Variants in SMC2 observed in about 807,000 individuals in gnomAD.
SMC2 encodes the protein structural maintenance of chromosomes protein 2.
Under a neutral mutation model 142.6 loss-of-function variants are expected in SMC2, and 41 were observed. That is an observed-to-expected ratio of 0.29 (90% confidence interval 0.22 to 0.37). The LOEUF is 0.37. Ranked by LOEUF, SMC2 falls within the 10% of genes least tolerant of loss-of-function variation. The pLI is 1.00. For synonymous variants in SMC2, 463 were observed against 457.5 expected (o/e 1.01, Z -0.15); for missense variants, 1,265 against 1,373.7 (o/e 0.92, Z 1.25).
chr9:104,095,006 C>T (rs1211987413), intron 1 of SMC2, among the ~76,000 whole-genome samples: 1 of 152,126 alleles, frequency 6.6e-6, no homozygotes, highest in African/African-American at 2.4e-5. Flanking sequence ...CAGAGAAAAG[C>T]ACATTATAGG....
chr9:104,135,210 C>CAGATGATACAAGTAGGAG (rs1554708820), intron 23 of SMC2, among the ~76,000 whole-genome samples: 4 of 151,058 alleles, frequency 2.6e-5, no homozygotes, highest in Non-Finnish European at 5.9e-5. Context: ...TCTGAAATGA[C>CAGATGATACAAGTAGGAG]AGATGATGCA....
rs540540512 is a variant in SMC2, at chr9:104,095,590, T to G, written c.168+38T>G. 3.2e-6 allele frequency: 5 copies of G among 1,540,790 alleles called. No homozygotes were observed. In the East Asian group the frequency reaches 1.1e-4, roughly 35 times the overall value. Reference sequence around the variant, plus strand: ...CTTTCTGATTTATTTGAATTTAAGTTGGCAGGAGAATCCTCACTGAACTTT... The same window carrying G: ...CTTTCTGATTTATTTGAATTTAAGTGGGCAGGAGAATCCTCACTGAACTTT... On this transcript the variant is annotated intron_variant, in intron 2 of 24. Coordinates refer to ENST00000374793, the MANE Select transcript of SMC2 (RefSeq NM_006444.3).
At chr9:104,101,883 T>C in intron 7 of SMC2, 77 bp from the exon 8 acceptor site, 1 of 839,244 alleles carries the variant, frequency 1.2e-6, no homozygotes. Flanking sequence ...TAATGAGAAA[T>C]TTGTTTCATC....
At chr9:104,125,756 A>ATACTT (rs1383103825) in intron 18 of SMC2, among the ~76,000 whole-genome samples, 1 of 152,182 alleles carries the variant, frequency 6.6e-6, no homozygotes, top group Admixed American at 6.5e-5. Context: ...TAAACTGATG[A>ATACTT]TACTTTGTTA....
chr9:104,098,614 A>G (rs747879470), intron 4 of SMC2, 46 bp downstream of exon 4: 11 of 1,550,846 alleles, frequency 7.1e-6, no homozygotes, highest in Non-Finnish European at 7.8e-6. Context: ...TAGTTTCGAC[A>G]TTTTTTACTT....
At chr9:104,104,585 T>G (rs1201756286) in intron 9 of SMC2, among the ~76,000 whole-genome samples, 1 of 152,196 alleles carries the variant, frequency 6.6e-6, no homozygotes, top group Non-Finnish European at 1.5e-5. Context: ...TTGCCTCCCT[T>G]TCTTGGGATA....
In SMC2 at chr9:104,107,116, C is replaced by G. The variant is rs529726550; in HGVS notation, c.1021-4465C>G. ...CTGGTCCCTTGGGGTTCCAACTGGG[C>G]TTGATTTCAAATGTACCATTTCTGT... On this transcript the variant is annotated intron_variant, in intron 9 of 24. Coordinates refer to ENST00000374793, the MANE Select transcript of SMC2 (RefSeq NM_006444.3). Among the ~76,000 whole-genome samples the G allele has an allele frequency of 5.3e-5, 8 of 152,264 alleles. No homozygotes were observed. In the East Asian group the frequency reaches 1.5e-3, roughly 29 times the overall value.
intron 14 of SMC2, among the ~76,000 whole-genome samples, chr9:104,116,626 G>A (rs1401719274): frequency 2.0e-5 from 3 of 152,038 alleles, no homozygotes; most frequent in South Asian, 2.1e-4. Context: ...TTCTAGATAC[G>A]TACCCCAAAT....
chr9:104,125,896 G>A (rs1243150414), intron 18 of SMC2, among the ~76,000 whole-genome samples: 1 of 152,018 alleles, frequency 6.6e-6, no homozygotes, highest in African/African-American at 2.4e-5. Flanking sequence ...CCCACTCTAA[G>A]ATTCTTGTCA....
In SMC2 at chr9:104,140,123, T is replaced by C. The variant is rs1307492275; in HGVS notation, c.*808T>C. The C allele has an allele frequency of 6.6e-6, 1 of 152,114 alleles. No individual in the cohort carries two copies. Among genetic ancestry groups the C allele is most frequent in the African/African-American group, 2.4e-5 (1 of 41,430 alleles). The allele number at this position is 152,114 out of a possible 1,614,324, so 9.4% of individuals were successfully genotyped here. On this transcript the variant is annotated 3_prime_UTR_variant, in exon 25 of 25. Transcript: ENST00000374793. ...TCCAAGATTTTTGTCAGCCTTTTCA[T>C]AATCCAGTCATTAACAACCTATTGG...
intron 1 of SMC2, among the ~76,000 whole-genome samples, chr9:104,095,034 G>C (rs1587875000): frequency 6.6e-6 from 1 of 152,312 alleles, no homozygotes; most frequent in East Asian, 1.9e-4. Context: ...AATGGGATAT[G>C]TAATAATCCA....
intron 22 of SMC2, among the ~76,000 whole-genome samples, 180 bp from the exon 23 acceptor site, chr9:104,134,235 C>G (rs561788796): frequency 6.6e-6 from 1 of 152,136 alleles, no homozygotes; most frequent in South Asian, 2.1e-4. Context: ...TCACTAGCAC[C>G]GATAGACGCT....
intron 7 of SMC2, 95 bp from the exon 8 acceptor site, chr9:104,101,865 C>T (rs1328800900): frequency 1.4e-6 from 1 of 728,784 alleles, no homozygotes; most frequent in Non-Finnish European, 2.3e-6. Context: ...AGGACAAAAT[C>T]TATTATGTAA....
At chr9:104,104,099 A>G (rs374448907) in intron 9 of SMC2, among the ~76,000 whole-genome samples, 1 of 152,104 alleles carries the variant, frequency 6.6e-6, no homozygotes, top group African/African-American at 2.4e-5. Context: ...CCCTAAGGCT[A>G]GCACTCTGAT....
upstream of SMC2, chr9:104,092,806 G>C (rs1830033472): frequency 1.3e-5 from 2 of 152,102 alleles, no homozygotes; most frequent in South Asian, 4.1e-4. Flanking sequence ...GCCATTCCAG[G>C]GCCAAGAAAG....
chr9:104,126,773 G>C lies in SMC2; in HGVS notation c.2584G>C (p.Ala862Pro). The change falls in exon 19 of 25, where the codon GCT (alanine) becomes CCT (proline). Residue 862 changes from alanine (A) to proline (P), a missense_variant. By Grantham distance (27) the Ala-to-Pro change is conservative. This residue lies in a region of SMC2 where 898 missense variants were observed against 904.2 expected (regional missense o/e 0.99). Coordinates refer to ENST00000374793, the MANE Select transcript of SMC2 (RefSeq NM_006444.3). Reference protein sequence around the residue: ...SQIEVMAAEVAKNKESVNKAQ... With the variant: ...SQIEVMAAEVPKNKESVNKAQ... ...GATTGAAGTAATGGCAGCTGAGGTG[G>C]CTAAAAATAAGGTAGGATTTATTTA... 1 of 1,592,198 alleles carries C rather than the reference G, an allele frequency of 6.3e-7. No homozygotes were observed.
rs561023770 is a variant in SMC2, at chr9:104,127,259, A to G, written c.2596-27A>G. ...AATTATTTACATGTTACCTCACCACATATTTTCTTTAATTTTTTTGTTTTA... is the reference window on the plus strand; with the variant it reads ...AATTATTTACATGTTACCTCACCACGTATTTTCTTTAATTTTTTTGTTTTA... On this transcript the variant is annotated intron_variant, in intron 19 of 24. Coordinates refer to ENST00000374793, the MANE Select transcript of SMC2 (RefSeq NM_006444.3). 7 of 1,511,114 alleles carry G rather than the reference A, an allele frequency of 4.6e-6. No homozygotes were observed. The African/African-American group carries it at 5.6e-5, about 12-fold the overall frequency. 93.6% of individuals were successfully genotyped at this position (1,511,114 alleles called of 1,614,324 possible).
At chr9:104,135,739 CT>C (rs1398953079) in intron 23 of SMC2, 2 of 439,942 alleles carry the variant, frequency 4.5e-6, no homozygotes, top group African/African-American at 4.1e-5. Flanking sequence ...TGACTTTAGA[CT>C]TCTTGTTAAA....
chr9:104,096,134 ATATTT>A lies in SMC2; in HGVS notation c.169-6_169-2del, dbSNP rs752366321. On this transcript the variant is annotated splice_polypyrimidine_tract_variant and intron_variant, in intron 2 of 24. Transcript: ENST00000374793. ...GAGTTTTGTAATTGTTACACTTTTC[ATATTT>A]TATTTTAGGTTCGGGCTTCTAATTT... The A allele has an allele frequency of 5.0e-6, 8 of 1,608,778 alleles. No homozygotes were observed. In the African/African-American group the frequency reaches 9.4e-5, roughly 19 times the overall value.
Sources: allele counts gnomAD v4.1 joint callset (sites outside exome capture counted in the v4.1 genomes callset), GRCh38; gene constraint gnomAD v4.1.1; regional missense constraint gnomAD v4.1.1; transcripts MANE v1.5; gene names NCBI Gene and HGNC (gene_info 2026-07-23, HGNC 2026-07-21).